KIFBP: variants seen among roughly 807,000 people sequenced by gnomAD.
KIFBP encodes KIF-binding protein.
KIFBP carries 46 observed loss-of-function variants against 58.9 expected under a neutral mutation model. The ratio of observed to expected loss-of-function variants is 0.78; its 90% CI spans 0.62 to 1.00. The LOEUF (loss-of-function observed/expected upper bound fraction) is 1.00. Among genes scored for constraint, KIFBP ranks in the 50% least tolerant of loss-of-function variants. KIFBP has a pLI of 0.00. For synonymous variants in KIFBP, 241 were observed against 283.4 expected, an observed-to-expected ratio of 0.85 and a Z score of 1.50; for missense variants, 651 against 752.9, an observed-to-expected ratio of 0.86 and a Z score of 1.58.
chr10:69,009,083 T>G (rs1349642878), intron 5 of KIFBP, among the ~76,000 whole-genome samples, 158 bp downstream of exon 5: 1 of 152,238 alleles, frequency 6.6e-6, no homozygotes, highest in Non-Finnish European at 1.5e-5. Flanking sequence ...CAAATTTTAT[T>G]TTTCTCTCTG....
intron 1 of KIFBP, among the ~76,000 whole-genome samples, chr10:68,998,783 T>TTTC (rs1843433859): frequency 7.8e-6 from 1 of 128,558 alleles, no homozygotes; most frequent in Non-Finnish European, 1.6e-5. Flanking sequence ...TTTTTTTTTT[T>TTTC]TTTTTTTTTT....
chr10:68,990,360 T>G (rs1165689657), intron 1 of KIFBP, among the ~76,000 whole-genome samples: 1 of 151,890 alleles, frequency 6.6e-6, no homozygotes, highest in African/African-American at 2.4e-5. Context: ...TGAGACTCTG[T>G]CTCTTAAACA....
chr10:68,991,150 T>TA (rs1312078125), intron 1 of KIFBP: 1 of 153,148 alleles, frequency 6.5e-6, no homozygotes, highest in Non-Finnish European at 1.5e-5. Flanking sequence ...GCTGCTTTGC[T>TA]AGGCAGTATG....
At chr10:68,997,387 G>A (rs756085448) in intron 1 of KIFBP, among the ~76,000 whole-genome samples, 8 of 152,144 alleles carry the variant, frequency 5.3e-5, no homozygotes, top group East Asian at 1.9e-4. Context: ...GGTGGATTTC[G>A]TCTTGCTGTT....
At position 69,010,675 on chromosome 10, in the gene KIFBP, G is replaced by A. The variant is rs1843580748; in HGVS notation, c.875-225G>A. 2.6e-5 allele frequency among the ~76,000 whole-genome samples: 4 copies of A among 152,158 alleles called. No homozygotes were observed. In the South Asian group the frequency reaches 8.3e-4, roughly 32 times the overall value. On this transcript the variant is annotated intron_variant, in intron 5 of 6. Transcript: ENST00000361983. ...AAGCTAAGAGTTGATAATGATATGA[G>A]TAAAGTGTTTGTGGTGCGAGAAAGA...
At chr10:68,992,861 A>G (rs1039651291) in intron 1 of KIFBP, among the ~76,000 whole-genome samples, 11 of 151,658 alleles carry the variant, frequency 7.3e-5, no homozygotes, top group African/African-American at 2.7e-4. Flanking sequence ...GAGATTTTCC[A>G]TTAAGGAAGG....
At chr10:69,004,645 T>A (rs1843511928) in intron 2 of KIFBP, among the ~76,000 whole-genome samples, 2 of 152,136 alleles carry the variant, frequency 1.3e-5, no homozygotes, top group Non-Finnish European at 2.9e-5. Flanking sequence ...GGTGGATTGC[T>A]TGAGCCCAGG....
Position 69,015,997 on chromosome 10 carries a change from G to A in KIFBP, c.1447G>A (p.Asp483Asn). 1 of 1,614,134 alleles carries A rather than the reference G, an allele frequency of 6.2e-7. No individual in the cohort carries two copies. Among genetic ancestry groups the A allele is most frequent in the Non-Finnish European group, 8.5e-7 (1 of 1,180,016 alleles). ...GTTTGAAATTGCACATGCTTACTATGATATGATGGATTTGAAGGTTGCCAT... is the reference window on the plus strand; with the variant it reads ...GTTTGAAATTGCACATGCTTACTATAATATGATGGATTTGAAGGTTGCCAT... ...IQFEIAHAYY[D>N]MMDLKVAIAD... The change falls in exon 7 of 7, where the codon GAT (aspartate) becomes AAT (asparagine). Residue 483 changes from aspartate to asparagine, a missense_variant. By Grantham distance (23) the Asp-to-Asn change is conservative. Coordinates refer to ENST00000361983, the MANE Select transcript of KIFBP (RefSeq NM_015634.4).
At position 68,989,014 on chromosome 10, in the gene KIFBP, C is replaced by T; in HGVS notation, c.182C>T (p.Pro61Leu). The T allele has an allele frequency of 1.2e-6, 2 of 1,614,126 alleles. No individual in the cohort carries two copies. Among genetic ancestry groups the T allele is most frequent in the African/African-American group, 1.3e-5 (1 of 75,084 alleles). The change falls in exon 1 of 7, where the codon CCT becomes CTT. Residue 61 changes from proline to leucine, a missense_variant. Coordinates refer to ENST00000361983, the MANE Select transcript of KIFBP (RefSeq NM_015634.4). ...GPAPEDEDER[P>L]EAEDGPGAGD... Reference sequence around the variant, plus strand: ...GCGCCTGAGGACGAGGATGAGCGGCCTGAGGCCGAGGACGGCCCGGGTGCC... The same window carrying T: ...GCGCCTGAGGACGAGGATGAGCGGCTTGAGGCCGAGGACGGCCCGGGTGCC...
intron 2 of KIFBP, among the ~76,000 whole-genome samples, chr10:69,001,018 C>A (rs1843459892): frequency 6.6e-6 from 1 of 152,094 alleles, no homozygotes; most frequent in Non-Finnish European, 1.5e-5. Flanking sequence ...TAGGAATTTG[C>A]ATTTTTAATA....
At chr10:69,002,796 G>C (rs946904515) in intron 2 of KIFBP, among the ~76,000 whole-genome samples, 1 of 152,130 alleles carries the variant, frequency 6.6e-6, no homozygotes, top group African/African-American at 2.4e-5. Context: ...GCTGAGGTGG[G>C]AGGATGGCTT....
rs1339753748 is a variant in KIFBP at position 69,015,984 on chromosome 10, A to C, written c.1434A>C (p.Ala478=). Reference sequence around the variant, plus strand: ...ACAGACAGATCCAGTTTGAAATTGCACATGCTTACTATGATATGATGGATT... The same window carrying C: ...ACAGACAGATCCAGTTTGAAATTGCCCATGCTTACTATGATATGATGGATT... ...LVNRQIQFEI[A]HAYYDMMDLK... is the part of the protein sequence containing the mutation. Residue 478 remains alanine, a synonymous_variant, in exon 7 of 7, where the codon GCA becomes GCC. Transcript: ENST00000361983. The C allele has an allele frequency of 1.2e-5, 19 of 1,614,086 alleles. No homozygotes were observed. The highest frequency in any genetic ancestry group is 1.3e-5 in the Non-Finnish European group (15 of 1,180,024).
chr10:69,005,188 CA>C, intron 3 of KIFBP, 63 bp downstream of exon 3: 3 of 1,181,918 alleles, frequency 2.5e-6, no homozygotes, highest in Non-Finnish European at 3.8e-6. Context: ...AGTGATTGTT[CA>C]AAAAGTCACT....
At chr10:69,009,046 AT>A in intron 5 of KIFBP, 121 bp downstream of exon 5, 1 of 727,744 alleles carries the variant, frequency 1.4e-6, no homozygotes, top group Non-Finnish European at 2.4e-6. Flanking sequence ...AAATGCACCA[AT>A]TTTTAGTATT....
Position 69,016,317 on chromosome 10 carries a change from C to T in KIFBP, c.1767C>T (p.Ala589=), listed in dbSNP as rs771194537. Reference sequence around the variant, plus strand: ...ATTACTGTGAAAAGCATCCTGAGGCCGCCCAGGAAATAGAAGTTGAGCTAG... The same window carrying T: ...ATTACTGTGAAAAGCATCCTGAGGCTGCCCAGGAAATAGAAGTTGAGCTAG... The part of the protein sequence containing the change: ...IVDYCEKHPE[A]AQEIEVELEL... Residue 589 remains alanine, a synonymous_variant, in exon 7 of 7, where the codon GCC becomes GCT. Transcript: ENST00000361983. 1.1e-5 allele frequency: 17 copies of T among 1,608,238 alleles called. No homozygotes were observed. Among genetic ancestry groups the T allele is most frequent in the East Asian group, 4.5e-5 (2 of 44,848 alleles).
intron 1 of KIFBP, among the ~76,000 whole-genome samples, chr10:68,998,778 T>A (rs1185852674): frequency 0.016 from 2,162 of 133,016 alleles, 42 homozygotes; most frequent in African/African-American, 0.055. Flanking sequence ...TATATTTTTT[T>A]TTTTTTTTTT....
intron 6 of KIFBP, among the ~76,000 whole-genome samples, chr10:69,011,942 C>T (rs1589298017): frequency 1.4e-5 from 2 of 145,330 alleles, no homozygotes; most frequent in African/African-American, 5.1e-5. Context: ...CCATCCATCT[C>T]GGCCTCCCAA....
chr10:69,015,582 T>TA lies in KIFBP; in HGVS notation c.1033dup (p.Arg345LysfsTer10), dbSNP rs763599506. On this transcript the variant is annotated frameshift_variant, in exon 7 of 7. Coordinates refer to ENST00000361983, the MANE Select transcript of KIFBP (RefSeq NM_015634.4). LOFTEE classifies it high-confidence loss of function. ...TTGATCTTGATAAACAGTCTGAACT[T>TA]AGAGCTTTAAGGAAAAAAGAACTAG... 6.2e-7 allele frequency: 1 copy of TA among 1,613,598 alleles called. No individual in the cohort carries two copies.
intron 1 of KIFBP, among the ~76,000 whole-genome samples, chr10:68,994,236 A>G (rs1201905928): frequency 1.3e-5 from 2 of 152,150 alleles, no homozygotes; most frequent in Non-Finnish European, 2.9e-5. Context: ...AAGACTAAGT[A>G]TACACACACA....
Sources: allele counts gnomAD v4.1 joint callset (sites outside exome capture counted in the v4.1 genomes callset), GRCh38; gene constraint gnomAD v4.1.1; transcripts MANE v1.5; gene names NCBI Gene and HGNC (gene_info 2026-07-23, HGNC 2026-07-21).